The following UTRN variants were observed in gnomAD, a reference collection of about 807,000 sequenced individuals.
UTRN encodes dystrophin-related protein 1.
UTRN carries 283 observed loss-of-function variants against 463.9 expected under a neutral mutation model. That is an observed-to-expected ratio of 0.61 (90% CI 0.55 to 0.67). UTRN has a LOEUF of 0.67. UTRN is among the 30% of genes least tolerant of loss of function. UTRN has a pLI of 0.00. For synonymous variants in UTRN, 1,442 were observed against 1,431.5 expected (o/e 1.01, Z -0.17); for missense variants, 3,922 against 4,084.3 (o/e 0.96, Z 1.08).
At chr6:144,608,064 A>G (rs1172993786) in intron 51 of UTRN, among the ~76,000 whole-genome samples, 1 of 151,968 alleles carries the variant, frequency 6.6e-6, no homozygotes, top group South Asian at 2.1e-4. Context: ...AGGCCATGGT[A>G]TCCGGATTTT....
chr6:144,698,130 A>C (rs923962040), intron 52 of UTRN, among the ~76,000 whole-genome samples: 7 of 152,226 alleles, frequency 4.6e-5, no homozygotes, highest in Admixed American at 1.3e-4. Context: ...TTAGAACTAC[A>C]GAGAATTTTC....
chr6:144,594,408 A>G (rs1803435533), intron 51 of UTRN, among the ~76,000 whole-genome samples: 1 of 152,190 alleles, frequency 6.6e-6, no homozygotes, highest in African/African-American at 2.4e-5. Flanking sequence ...GCCTGGTACT[A>G]TAATTAGCTA....
At chr6:144,468,993 C>T (rs529057109) in intron 23 of UTRN, among the ~76,000 whole-genome samples, 149 of 152,268 alleles carry the variant, frequency 9.8e-4, no homozygotes, top group Admixed American at 3.4e-3. Flanking sequence ...ACCCTTCCCG[C>T]GCGGTGTGCC....
chr6:144,836,331 G>T lies in UTRN; in HGVS notation c.9855G>T (p.Lys3285Asn). ...RNLQVEYEQL[K>N]DQHLRRGLPV... Reference sequence around the variant, plus strand: ...TACAGGTGGAGTATGAGCAGCTGAAGGACCAGCACCTCCGAAGGGGGCTCC... The same window carrying T: ...TACAGGTGGAGTATGAGCAGCTGAATGACCAGCACCTCCGAAGGGGGCTCC... The change falls in exon 71 of 75, where the codon AAG becomes AAT. Residue 3285 changes from lysine to asparagine, a missense_variant. Lys to Asn is a moderately conservative substitution (Grantham distance 94, BLOSUM62 0). This residue lies in a region of UTRN where 1,309 missense variants were observed against 1,452.6 expected (regional missense o/e 0.90). Coordinates refer to ENST00000367545, the MANE Select transcript of UTRN (RefSeq NM_007124.3). The T allele has an allele frequency of 6.2e-7, 1 of 1,614,126 alleles. No homozygotes were observed. Among genetic ancestry groups the T allele is most frequent in the Non-Finnish European group, 8.5e-7 (1 of 1,179,996 alleles).
chr6:144,426,197 C>T, intron 6 of UTRN, 90 bp from the exon 7 acceptor site: 1 of 1,465,540 alleles, frequency 6.8e-7, no homozygotes, highest in Middle Eastern at 2.1e-4. Context: ...TTAATTAGTG[C>T]AATATTGCTT....
intron 66 of UTRN, among the ~76,000 whole-genome samples, chr6:144,824,448 CATATACAATAAA>C (rs370770056): frequency 6.3e-4 from 54 of 85,154 alleles, no homozygotes; most frequent in East Asian, 3.3e-3. Flanking sequence ...TATATATACA[CATATACAATAAA>C]TATGTATATA....
chr6:144,461,168 T>C, intron 21 of UTRN, 29 bp from the exon 22 acceptor site: 1 of 1,540,848 alleles, frequency 6.5e-7, no homozygotes, highest in Non-Finnish European at 8.8e-7. Flanking sequence ...AATATGATTT[T>C]TTCAAACTAA....
intron 62 of UTRN, among the ~76,000 whole-genome samples, chr6:144,793,326 TCTCAAA>T (rs1226746478): frequency 6.6e-6 from 1 of 151,942 alleles, no homozygotes; most frequent in Non-Finnish European, 1.5e-5. Context: ...CCCAAACTGG[TCTCAAA>T]CTCCTGGCTC....
At position 144,577,092 on chromosome 6, in the gene UTRN, C is replaced by G; in HGVS notation, c.7290-7C>G. On this transcript the variant is annotated splice_polypyrimidine_tract_variant and splice_region_variant and intron_variant, in intron 50 of 74. Transcript: ENST00000367545. ...ATGGAGCCGTGCTGTCATATTGTTA[C>G]TTTCAGTATTGCTGACAGACAGAAC... is the stretch of plus-strand genomic sequence containing the variant. 6.2e-7 allele frequency: 1 copy of G among 1,612,054 alleles called. No individual in the cohort carries two copies.
At position 144,793,386 on chromosome 6, in the gene UTRN, G is replaced by GA. The variant is rs200687793; in HGVS notation, c.8921-448_8921-447insA. The stretch of plus-strand genomic sequence containing the variant: ...AGTCTCTCCAGTAGATGAGATTACA[G>GA]GCATGCACCACAGCACCCAACTACA... On this transcript the variant is annotated intron_variant, in intron 62 of 74. Coordinates refer to ENST00000367545, the MANE Select transcript of UTRN (RefSeq NM_007124.3). Among the ~76,000 whole-genome samples, 752 of 152,116 alleles carry GA rather than the reference G, an allele frequency of 4.9e-3. 5 individuals carry two copies. The highest frequency in any genetic ancestry group is 0.017 in the African/African-American group (718 of 41,508).
At chr6:144,800,595 A>G (rs999921536) in intron 64 of UTRN, among the ~76,000 whole-genome samples, 1 of 152,178 alleles carries the variant, frequency 6.6e-6, no homozygotes, top group South Asian at 2.1e-4. Context: ...TTTGAATAAG[A>G]TACTTGGCCT....
At chr6:144,291,097 A>T (rs1308573831) in intron 1 of UTRN, among the ~76,000 whole-genome samples, 1 of 152,062 alleles carries the variant, frequency 6.6e-6, no homozygotes, top group Non-Finnish European at 1.5e-5. Context: ...TAAAAAGGCC[A>T]ATTTGACCAT....
chr6:144,632,611 C>T (rs918914860), intron 51 of UTRN, among the ~76,000 whole-genome samples: 9 of 152,022 alleles, frequency 5.9e-5, no homozygotes, highest in East Asian at 3.8e-4. Context: ...CTGATACCTG[C>T]GGTCTTATTT....
intron 46 of UTRN, among the ~76,000 whole-genome samples, chr6:144,543,378 A>T (rs1232297287): frequency 1.3e-5 from 2 of 152,190 alleles, no homozygotes; most frequent in Non-Finnish European, 2.9e-5. Context: ...GTGGAGAAAG[A>T]AGAATGTTTT....
At chr6:144,447,890 C>A in intron 16 of UTRN, 109 bp downstream of exon 16, 1 of 1,097,150 alleles carries the variant, frequency 9.1e-7, no homozygotes, top group Non-Finnish European at 1.2e-6. Flanking sequence ...TGTTTCCTTA[C>A]ACCTGATGAA....
intron 58 of UTRN, among the ~76,000 whole-genome samples, chr6:144,764,052 G>A (rs568519450): frequency 6.6e-6 from 1 of 152,284 alleles, no homozygotes; most frequent in South Asian, 2.1e-4. Context: ...ATGTACTGGA[G>A]AGTCTGTCTT....
intron 2 of UTRN, among the ~76,000 whole-genome samples, chr6:144,316,337 T>C (rs865905815): frequency 1.3e-5 from 2 of 152,352 alleles, no homozygotes; most frequent in South Asian, 4.1e-4. Flanking sequence ...TTGTTGCCAA[T>C]TGAGTTGAAA....
At chr6:144,532,616 A>C (rs1316629229) in intron 42 of UTRN, among the ~76,000 whole-genome samples, 1 of 152,238 alleles carries the variant, frequency 6.6e-6, no homozygotes, top group African/African-American at 2.4e-5. Context: ...CAACCAAACC[A>C]TATCAACCAG....
chr6:144,344,763 G>T (rs564727259), intron 2 of UTRN, among the ~76,000 whole-genome samples: 9 of 152,270 alleles, frequency 5.9e-5, no homozygotes, highest in African/African-American at 1.9e-4. Context: ...ATTTAGTTTT[G>T]ACCTGAGAAA....
Sources: gnomAD v4.1 joint callset for allele counts (sites outside exome capture counted in the v4.1 genomes callset) on GRCh38, gnomAD v4.1.1 for gene constraint, gnomAD v4.1.1 regional missense constraint, MANE v1.5 for transcripts, NCBI Gene and HGNC (gene_info 2026-07-23, HGNC 2026-07-21) for gene names.